Variants in ZNF730 observed in about 807,000 individuals in gnomAD.
The protein encoded by ZNF730 is putative zinc finger protein 730.
ZNF730 carries 12 observed loss-of-function variants against 12.6 expected under a neutral mutation model. The observed-to-expected ratio is 0.95, with a 90% CI of 0.61 to 1.54. The LOEUF (loss-of-function observed/expected upper bound fraction) is 1.54, where lower values mean the gene tolerates loss of function less well. ZNF730 is among the 40% of genes most tolerant of loss of function. The probability of loss-of-function intolerance (pLI) is 0.00; values close to 1 mark genes in which losing one functional copy is unlikely to be tolerated. For missense variants in ZNF730, 643 were observed against 583.5 expected (o/e 1.10, Z -1.05); for synonymous variants, 194 against 195.8 (o/e 0.99, Z 0.08).
rs556123915 is a variant in ZNF730, at chr19:23,085,836, C to CTTTTTTTTTTTTTTTTTTTTTTTTTTTT, written c.-94+10476_-94+10477insTTTTTTTTTTTTTTTTTTTTTTTTTTTT. Among the ~76,000 whole-genome samples the CTTTTTTTTTTTTTTTTTTTTTTTTTTTT allele has an allele frequency of 1.3e-4, 7 of 54,856 alleles. 3 individuals carry two copies. The highest frequency in any genetic ancestry group is 1.7e-4 in the African/African-American group (2 of 12,034). The allele number at this position is 54,856 out of a possible 152,430, so 36.0% of individuals were successfully genotyped here. A position where few individuals can be genotyped will look rare whatever the true frequency, so the allele number is the denominator to read the frequency against. ...GACCTATTTCACCCAATTTTTTTTT[C>CTTTTTTTTTTTTTTTTTTTTTTTTTTTT]TTTTTTTTTTTTTTTTTTTTTTTTT... On this transcript the variant is annotated intron_variant, in intron 1 of 2. Transcript: ENST00000593635.
intron 1 of ZNF730, chr19:23,127,927 CTAACCAATTACACTGCA>C: frequency 1.5e-6 from 1 of 685,930 alleles, no homozygotes; most frequent in African/African-American, 1.8e-5. Context: ...GAAGGTTGGC[CTAACCAATTACACTGCA>C]ATGTATTGTA....
chr19:23,098,384 T>C (rs1392375859), intron 1 of ZNF730: 1 of 152,186 alleles, frequency 6.6e-6, no homozygotes, highest in Non-Finnish European at 1.5e-5. Context: ...AAAGGAAAGA[T>C]TGTGACATAT....
chr19:23,106,307 T>G (rs1970392229), intron 1 of ZNF730, among the ~76,000 whole-genome samples: 1 of 152,096 alleles, frequency 6.6e-6, no homozygotes, highest in Non-Finnish European at 1.5e-5. Flanking sequence ...TGTGGTACTC[T>G]GAAGATGGGT....
chr19:23,139,254 C>T (rs1037629030), intron 3 of ZNF730, among the ~76,000 whole-genome samples: 9 of 151,988 alleles, frequency 5.9e-5, no homozygotes, highest in Non-Finnish European at 1.0e-4. Flanking sequence ...CTTTATTTAG[C>T]ATTGTAAAGC....
At chr19:23,098,831 C>G (rs1227778384) in intron 1 of ZNF730, among the ~76,000 whole-genome samples, 1 of 152,054 alleles carries the variant, frequency 6.6e-6, no homozygotes, top group African/African-American at 2.4e-5. Context: ...TATAGCTTAG[C>G]CCAGCTCACA....
At chr19:23,116,922 GGGGCGGGGCCTT>G, upstream of ZNF730, 2 of 866,636 alleles carry the variant, frequency 2.3e-6, no homozygotes, top group Non-Finnish European at 3.5e-6. Flanking sequence ...AGGGCCTGAG[GGGGCGGGGCCTT>G]AAACGTTATC....
At chr19:23,121,669 AT>A (rs1970600818) in intron 1 of ZNF730, among the ~76,000 whole-genome samples, 1 of 152,122 alleles carries the variant, frequency 6.6e-6, no homozygotes, top group Non-Finnish European at 1.5e-5. Context: ...GCGTGCATGG[AT>A]TTTTAATAAC....
chr19:23,130,675 T>C (rs12460923), intron 1 of ZNF730, among the ~76,000 whole-genome samples: 86,889 of 151,928 alleles, frequency 0.57, 26,707 homozygotes, highest in South Asian at 0.73. Context: ...CCTTAAATGA[T>C]TTGTTTAAAT....
chr19:23,129,993 CAAAAA>C (rs34321928), intron 1 of ZNF730, among the ~76,000 whole-genome samples: 1 of 88,014 alleles, frequency 1.1e-5, no homozygotes, highest in Non-Finnish European at 2.3e-5. Flanking sequence ...GACTCCGCCT[CAAAAA>C]AAAAAAAAAA....
rs775437675 is a variant in ZNF730 at position 23,146,163 on chromosome 19, T to C, written c.1119T>C (p.Cys373=). Residue 373 remains cysteine, a synonymous_variant, in exon 4 of 4, where the codon TGT becomes TGC. Coordinates refer to ENST00000597761, the MANE Select transcript of ZNF730 (RefSeq NM_001277403.2). ...TGGKPYKYKE[C]GKAFNQSSTL... ...GGAAACCCTACAAATATAAAGAATG[T>C]GGTAAAGCTTTTAACCAATCCTCAA... The C allele has an allele frequency of 3.1e-6, 5 of 1,608,190 alleles. No individual in the cohort carries two copies. The highest frequency in any genetic ancestry group is 2.2e-5 in the East Asian group (1 of 44,654).
intron 1 of ZNF730, 53 bp from the exon 2 acceptor site, chr19:23,134,027 A>T: frequency 6.2e-7 from 1 of 1,601,928 alleles, no homozygotes; most frequent in Admixed American, 1.7e-5. Flanking sequence ...GTGAAACTTA[A>T]AATTCTGCCC....
intron 1 of ZNF730, among the ~76,000 whole-genome samples, chr19:23,087,854 T>G (rs1970090912): frequency 6.6e-6 from 1 of 152,014 alleles, no homozygotes; most frequent in Admixed American, 6.6e-5. Context: ...CCTGAGGTGA[T>G]CCACCACCTC....
intron 1 of ZNF730, among the ~76,000 whole-genome samples, chr19:23,091,426 A>G (rs1302301681): frequency 1.3e-5 from 2 of 152,214 alleles, no homozygotes; most frequent in Non-Finnish European, 2.9e-5. Flanking sequence ...ACCATCCGCC[A>G]GACCCCAGAA....
chr19:23,098,262 A>C (rs1387222533), intron 1 of ZNF730: 1 of 152,164 alleles, frequency 6.6e-6, no homozygotes, highest in Non-Finnish European at 1.5e-5. Flanking sequence ...ACTGCATTCA[A>C]CATATAGCTG....
At chr19:23,115,038 A>G (rs1970501826), upstream of ZNF730, among the ~76,000 whole-genome samples, 1 of 152,042 alleles carries the variant, frequency 6.6e-6, no homozygotes, top group South Asian at 2.1e-4. Context: ...TCTCAGCCTC[A>G]CAAAGTGCTA....
intron 1 of ZNF730, among the ~76,000 whole-genome samples, chr19:23,087,581 CT>C (rs996242255): frequency 1.0e-4 from 15 of 149,192 alleles, no homozygotes; most frequent in Admixed American, 7.4e-4. Context: ...TCCTCTTTTT[CT>C]ATTTGAATGC....
At chr19:23,100,226 C>G (rs1263869485) in intron 1 of ZNF730, 1 of 152,172 alleles carries the variant, frequency 6.6e-6, no homozygotes, top group Admixed American at 6.6e-5. Context: ...TACCCCGGCC[C>G]AGCACACAGT....
At chr19:23,094,154 G>A (rs971286637) in intron 1 of ZNF730, among the ~76,000 whole-genome samples, 3 of 151,442 alleles carry the variant, frequency 2.0e-5, no homozygotes, top group South Asian at 2.1e-4. Context: ...GTTTTGTTTT[G>A]TTTTTTTCCC....
intron 1 of ZNF730, among the ~76,000 whole-genome samples, chr19:23,131,260 A>G (rs542195266): frequency 2.0e-5 from 3 of 152,304 alleles, no homozygotes; most frequent in Admixed American, 6.5e-5. Context: ...TAAAAGGTCA[A>G]TGACAGAGAA....
Sources: allele counts gnomAD v4.1 joint callset (sites outside exome capture counted in the v4.1 genomes callset), GRCh38; gene constraint gnomAD v4.1.1; transcripts MANE v1.5; gene names NCBI Gene and HGNC (gene_info 2026-07-23, HGNC 2026-07-21).